PDE8B: variants seen among roughly 807,000 people sequenced by gnomAD.
The protein encoded by PDE8B is high affinity cAMP-specific and IBMX-insensitive 3',5'-cyclic phosphodiesterase 8B.
In PDE8B, 26 loss-of-function variants were observed where a neutral mutation model predicts 101.3. The ratio of observed to expected loss-of-function variants is 0.26; its 90% CI spans 0.19 to 0.36. PDE8B has a LOEUF of 0.36. PDE8B is among the 10% of genes least tolerant of loss of function. PDE8B has a pLI of 1.00. For synonymous variants in PDE8B, 424 were observed against 429.3 expected (o/e 0.99, Z 0.15); for missense variants, 810 against 1,163.1 (o/e 0.70, Z 4.42).
intron 10 of PDE8B, among the ~76,000 whole-genome samples, chr5:77,385,330 A>AT (rs1241156756): frequency 2.0e-5 from 3 of 151,394 alleles, no homozygotes; most frequent in Non-Finnish European, 4.4e-5. Flanking sequence ...CCCCTTTATG[A>AT]TTTTTTATTG....
intron 1 of PDE8B, among the ~76,000 whole-genome samples, chr5:77,278,417 G>T (rs1252251880): frequency 6.6e-6 from 1 of 152,190 alleles, no homozygotes; most frequent in Non-Finnish European, 1.5e-5. Flanking sequence ...TGTCTTTGAA[G>T]AATTGTACTT....
chr5:77,166,778 G>C, the PDE8B span: 1 of 152,088 alleles, frequency 6.6e-6, no homozygotes, highest in Non-Finnish European at 1.5e-5. Context: ...ACCTTATGTT[G>C]GTTATCCCAC....
intron 10 of PDE8B, among the ~76,000 whole-genome samples, chr5:77,361,713 A>G (rs1783140013): frequency 6.6e-6 from 1 of 151,904 alleles, no homozygotes; most frequent in Non-Finnish European, 1.5e-5. Context: ...ATAGGGTTTC[A>G]CTATGTTGGC....
the PDE8B span, chr5:77,141,305 A>G: frequency 6.6e-6 from 1 of 152,240 alleles, no homozygotes; most frequent in South Asian, 2.1e-4. Context: ...ATACATATGT[A>G]TCAAACATAG....
chr5:77,214,998 C>T (rs1749348677), intron 1 of PDE8B, among the ~76,000 whole-genome samples: 1 of 152,180 alleles, frequency 6.6e-6, no homozygotes, highest in Admixed American at 6.5e-5. Flanking sequence ...TAGTACCACA[C>T]TGTCTTTATC....
chr5:77,090,591 C>G, the PDE8B span, among the ~76,000 whole-genome samples: 1 of 152,026 alleles, frequency 6.6e-6, no homozygotes, highest in Non-Finnish European at 1.5e-5. Context: ...GATTTTTTTT[C>G]TATGAGTTTG....
intron 1 of PDE8B, among the ~76,000 whole-genome samples, chr5:77,226,428 T>C (rs1160565293): frequency 1.3e-5 from 2 of 152,220 alleles, no homozygotes; most frequent in African/African-American, 2.4e-5. Context: ...TTCCTACTCA[T>C]AGCTGCATAG....
chr5:77,370,136 A>G (rs1386930549), intron 10 of PDE8B, among the ~76,000 whole-genome samples: 1 of 152,210 alleles, frequency 6.6e-6, no homozygotes, highest in Non-Finnish European at 1.5e-5. Flanking sequence ...TATCATTAGC[A>G]ACAGTTCTAT....
the PDE8B span, among the ~76,000 whole-genome samples, chr5:77,160,613 A>G: frequency 6.6e-6 from 1 of 152,064 alleles, no homozygotes; most frequent in African/African-American, 2.4e-5. Flanking sequence ...TGGGTGTTTT[A>G]CAATTATTTA....
chr5:77,299,936 G>T (rs1387507164), intron 1 of PDE8B, among the ~76,000 whole-genome samples: 4 of 152,200 alleles, frequency 2.6e-5, no homozygotes, highest in Admixed American at 2.6e-4. Flanking sequence ...AGCTTGTGAG[G>T]CAGTCTTCTA....
At chr5:77,389,204 C>T (rs1251012230) in intron 10 of PDE8B, among the ~76,000 whole-genome samples, 1 of 152,190 alleles carries the variant, frequency 6.6e-6, no homozygotes, top group African/African-American at 2.4e-5. Context: ...GTGGCATAGG[C>T]ACCAGAGGGA....
Position 77,213,755 on chromosome 5 carries a change from C to T in PDE8B, c.339+2491C>T, listed in dbSNP as rs1749030257. 2.0e-5 allele frequency among the ~76,000 whole-genome samples: 3 copies of T among 151,990 alleles called. No homozygotes were observed. The South Asian group carries it at 6.2e-4, about 32-fold the overall frequency. ...TTACATCAATTATGAAGTGTATCCT[C>T]ATTATCTACTTGGCCTCTGGTATTC... On this transcript the variant is annotated intron_variant, in intron 1 of 21. Coordinates refer to ENST00000264917, the MANE Select transcript of PDE8B (RefSeq NM_003719.5).
At chr5:77,380,736 TATAG>T (rs913037996) in intron 10 of PDE8B, among the ~76,000 whole-genome samples, 15 of 152,172 alleles carry the variant, frequency 9.9e-5, no homozygotes, top group African/African-American at 3.1e-4. Flanking sequence ...ACACAGAACT[TATAG>T]ATAGACATTA....
chr5:77,352,212 C>G (rs1781283848), intron 9 of PDE8B, among the ~76,000 whole-genome samples: 1 of 152,192 alleles, frequency 6.6e-6, no homozygotes, highest in Non-Finnish European at 1.5e-5. Flanking sequence ...AGCCTGGCCT[C>G]AGCGTGGCCA....
chr5:77,131,842 C>T, the PDE8B span, among the ~76,000 whole-genome samples: 1 of 152,002 alleles, frequency 6.6e-6, no homozygotes, highest in African/African-American at 2.4e-5. Flanking sequence ...GGCCCCTTTC[C>T]AGAGTTAGAA....
At chr5:77,171,758 G>A in the PDE8B span, among the ~76,000 whole-genome samples, 12 of 152,306 alleles carry the variant, frequency 7.9e-5, no homozygotes, top group South Asian at 2.5e-3. Flanking sequence ...ATGGGGCAGG[G>A]GATGAAGCCA....
chr5:77,270,142 T>C (rs1762510066), intron 1 of PDE8B, among the ~76,000 whole-genome samples: 1 of 152,214 alleles, frequency 6.6e-6, no homozygotes, highest in Non-Finnish European at 1.5e-5. Flanking sequence ...TCCTCTTCAA[T>C]TTCTTTCATC....
intron 2 of PDE8B, among the ~76,000 whole-genome samples, chr5:77,320,067 A>G (rs1212828296): frequency 6.6e-6 from 1 of 152,188 alleles, no homozygotes; most frequent in Non-Finnish European, 1.5e-5. Flanking sequence ...TGTTGACACA[A>G]ATTTTTAAAG....
At chr5:77,313,675 G>A (rs1434168387) in intron 2 of PDE8B, among the ~76,000 whole-genome samples, 3 of 152,040 alleles carry the variant, frequency 2.0e-5, no homozygotes, top group African/African-American at 4.8e-5. Flanking sequence ...ATTCATAAAG[G>A]TGCATGTGTG....
Sources: allele counts gnomAD v4.1 joint callset (sites outside exome capture counted in the v4.1 genomes callset), GRCh38; gene constraint gnomAD v4.1.1; transcripts MANE v1.5; gene names NCBI Gene and HGNC (gene_info 2026-07-23, HGNC 2026-07-21).